Variants in NUP133 observed in about 807,000 individuals in gnomAD.
NUP133 encodes nuclear pore complex protein Nup133.
In NUP133, 66 loss-of-function variants were observed where a neutral mutation model predicts 146.2. The ratio of observed to expected loss-of-function variants is 0.45; its 90% CI spans 0.37 to 0.55. The LOEUF (loss-of-function observed/expected upper bound fraction) is 0.55. NUP133 is among the 20% of genes least tolerant of loss of function. NUP133 has a pLI of 0.00. For synonymous variants in NUP133, 521 were observed against 498.8 expected (o/e 1.04, Z -0.59); for missense variants, 1,277 against 1,374.8 (o/e 0.93, Z 1.12).
chr1:229,502,424 T>C (rs1661824420), intron 2 of NUP133, among the ~76,000 whole-genome samples: 2 of 151,652 alleles, frequency 1.3e-5, no homozygotes, highest in South Asian at 4.2e-4. Flanking sequence ...CTGAGTGTGG[T>C]GGCACGTGCC....
chr1:229,466,410 G>A (rs558475836), intron 16 of NUP133, among the ~76,000 whole-genome samples: 1 of 152,240 alleles, frequency 6.6e-6, no homozygotes, highest in South Asian at 2.1e-4. Flanking sequence ...CTACCAAATA[G>A]AAACTCAAGA....
intron 9 of NUP133, among the ~76,000 whole-genome samples, chr1:229,488,744 G>A (rs925827577): frequency 6.6e-6 from 1 of 151,824 alleles, no homozygotes; most frequent in Non-Finnish European, 1.5e-5. Flanking sequence ...CCAGCTACCT[G>A]AGAGGACTGC....
At chr1:229,505,586 A>C (rs1011830827) in intron 2 of NUP133, among the ~76,000 whole-genome samples, 1 of 149,884 alleles carries the variant, frequency 6.7e-6, no homozygotes, top group Non-Finnish European at 1.5e-5. Flanking sequence ...AAAAAAAAAA[A>C]AAAAAAACTA....
chr1:229,461,043 T>C (rs1377989640), intron 19 of NUP133, among the ~76,000 whole-genome samples: 1 of 152,222 alleles, frequency 6.6e-6, no homozygotes, highest in African/African-American at 2.4e-5. Context: ...CATACGTAGC[T>C]GTTTAACTTA....
intron 15 of NUP133, among the ~76,000 whole-genome samples, chr1:229,468,445 C>G (rs1348406484): frequency 6.6e-6 from 1 of 152,170 alleles, no homozygotes; most frequent in Non-Finnish European, 1.5e-5. Context: ...CAACGAACAT[C>G]ATGAGAAATG....
intron 14 of NUP133, among the ~76,000 whole-genome samples, chr1:229,473,888 T>A (rs1264686355): frequency 6.6e-6 from 1 of 151,564 alleles, no homozygotes; most frequent in Non-Finnish European, 1.5e-5. Context: ...TGCGCCACTG[T>A]ACTCCAGCCT....
chr1:229,503,978 A>AATAT (rs151275172), intron 2 of NUP133, among the ~76,000 whole-genome samples: 1 of 151,532 alleles, frequency 6.6e-6, no homozygotes, highest in Admixed American at 6.6e-5. Context: ...CATATATACC[A>AATAT]ATATATATAT....
chr1:229,499,847 T>A, intron 4 of NUP133, 29 bp from the exon 5 acceptor site: 4 of 1,602,926 alleles, frequency 2.5e-6, no homozygotes, highest in Non-Finnish European at 3.4e-6. Context: ...CAATCAGCAA[T>A]CACAATAAAA....
chr1:229,465,955 G>A (rs1285957533), intron 16 of NUP133, among the ~76,000 whole-genome samples: 4 of 151,204 alleles, frequency 2.6e-5, no homozygotes, highest in Admixed American at 2.0e-4. Flanking sequence ...AGATCTGCAT[G>A]ATTACTTTTT....
chr1:229,502,219 T>C (rs573637580), intron 2 of NUP133, 117 bp from the exon 3 acceptor site: 58 of 683,544 alleles, frequency 8.5e-5, no homozygotes, highest in South Asian at 3.1e-4. Flanking sequence ...AACAAATACT[T>C]TTGAATATTC....
chr1:229,493,246 T>G (rs1403438019), intron 8 of NUP133, among the ~76,000 whole-genome samples: 2 of 152,324 alleles, frequency 1.3e-5, no homozygotes, highest in South Asian at 4.1e-4. Context: ...GGTGGGATCA[T>G]AGCTCACTAC....
chr1:229,476,440 C>G (rs1661076451), intron 13 of NUP133, among the ~76,000 whole-genome samples: 1 of 152,158 alleles, frequency 6.6e-6, no homozygotes, highest in African/African-American at 2.4e-5. Flanking sequence ...TCCCTGGTAT[C>G]TGGGGACCCC....
At chr1:229,449,429 G>A (rs1023200693) in intron 23 of NUP133, among the ~76,000 whole-genome samples, 9 of 149,894 alleles carry the variant, frequency 6.0e-5, no homozygotes, top group Non-Finnish European at 1.2e-4. Context: ...GTGCAGTGGC[G>A]CGATCTCAGC....
At chr1:229,482,116 A>G (rs1661227331) in intron 12 of NUP133, among the ~76,000 whole-genome samples, 5 of 152,252 alleles carry the variant, frequency 3.3e-5, no homozygotes, top group Admixed American at 2.6e-4. Context: ...GTAAAAGAAC[A>G]AGATTAAAAG....
chr1:229,474,352 C>T (rs867096940), intron 14 of NUP133, among the ~76,000 whole-genome samples: 6 of 152,262 alleles, frequency 3.9e-5, no homozygotes, highest in Middle Eastern at 3.4e-3. Flanking sequence ...GCTAATTAAA[C>T]GACCATATCG....
At chr1:229,483,537 T>G (rs1661269159) in intron 12 of NUP133, among the ~76,000 whole-genome samples, 1 of 151,940 alleles carries the variant, frequency 6.6e-6, no homozygotes, top group Non-Finnish European at 1.5e-5. Flanking sequence ...AAACTCCATC[T>G]CTACTAAAAA....
In NUP133 at chr1:229,500,830, T is replaced by A. The variant is rs770001047; in HGVS notation, c.439A>T (p.Ser147Cys). The A allele has an allele frequency of 6.2e-7, 1 of 1,612,986 alleles. No homozygotes were observed. The highest frequency in any genetic ancestry group is 8.5e-7 in the Non-Finnish European group (1 of 1,179,322). ...AAGTCGGCACTCCAGTGGAAATCAC[T>A]AGGTGGCAGCTGAAGTTCTTTGCAA... ...SVCKELQLPP[S>C]DFHWSADLVA... The change falls in exon 4 of 26, where the codon AGT becomes TGT. Residue 147 changes from serine to cysteine, a missense_variant. By Grantham distance (112) the Ser-to-Cys change is moderately radical (BLOSUM62 -1). This residue lies in a region of NUP133 where 319 missense variants were observed against 306.9 expected (regional missense o/e 1.04). Coordinates refer to ENST00000261396, the MANE Select transcript of NUP133 (RefSeq NM_018230.3).
chr1:229,451,390 C>G (rs1320608535), intron 22 of NUP133, among the ~76,000 whole-genome samples: 2 of 148,222 alleles, frequency 1.3e-5, no homozygotes, highest in Admixed American at 6.8e-5. Flanking sequence ...CCGAGCAATA[C>G]CAAGATCTTG....
intron 6 of NUP133, among the ~76,000 whole-genome samples, chr1:229,496,942 T>C (rs1182679172): frequency 3.3e-5 from 5 of 152,210 alleles, no homozygotes; most frequent in Admixed American, 2.6e-4. Context: ...GAACACAGAA[T>C]TGTGTTTGAA....
Sources: gnomAD v4.1 joint callset for allele counts (sites outside exome capture counted in the v4.1 genomes callset) on GRCh38, gnomAD v4.1.1 for gene constraint, gnomAD v4.1.1 regional missense constraint, MANE v1.5 for transcripts, NCBI Gene and HGNC (gene_info 2026-07-23, HGNC 2026-07-21) for gene names.